The following MALRD1 variants were observed in gnomAD, a reference collection of about 807,000 sequenced individuals.
The protein encoded by MALRD1 is MAM and LDL-receptor class A domain-containing protein 1.
Under a neutral mutation model 242.1 loss-of-function variants are expected in MALRD1, and 247 were observed. The ratio of observed to expected loss-of-function variants is 1.02; its 90% CI spans 0.92 to 1.13. MALRD1 has a LOEUF of 1.13. MALRD1 is among the 50% of genes most tolerant of loss of function. The probability of loss-of-function intolerance (pLI) is 0.00; values close to 1 mark genes in which losing one functional copy is unlikely to be tolerated. For missense variants in MALRD1, 2,989 were observed against 2,533.1 expected (o/e 1.18, Z -3.86); for synonymous variants, 995 against 866.6 (o/e 1.15, Z -2.60).
intron 36 of MALRD1, among the ~76,000 whole-genome samples, chr10:19,666,395 T>G (rs1048158241): frequency 1.3e-5 from 2 of 152,198 alleles, no homozygotes; most frequent in African/African-American, 4.8e-5. Flanking sequence ...TATCACTGTT[T>G]CTGACTATAA....
chr10:19,714,766 G>A (rs916871049), intron 38 of MALRD1, among the ~76,000 whole-genome samples: 2 of 152,080 alleles, frequency 1.3e-5, no homozygotes, highest in African/African-American at 4.8e-5. Flanking sequence ...TGAGGCATGC[G>A]GATCGCATCT....
At chr10:19,254,378 T>G (rs1839418379) in intron 18 of MALRD1, among the ~76,000 whole-genome samples, 1 of 152,066 alleles carries the variant, frequency 6.6e-6, no homozygotes, top group Non-Finnish European at 1.5e-5. Context: ...TGGGTTGATT[T>G]GAGCTTTTGG....
At chr10:19,428,313 C>A (rs1012787827) in intron 28 of MALRD1, among the ~76,000 whole-genome samples, 1 of 151,608 alleles carries the variant, frequency 6.6e-6, no homozygotes, top group South Asian at 2.1e-4. Context: ...TTTTTCTTTT[C>A]TTAGACCTGA....
chr10:19,264,555 G>A (rs965209309), intron 19 of MALRD1, among the ~76,000 whole-genome samples: 2 of 150,836 alleles, frequency 1.3e-5, no homozygotes, highest in Non-Finnish European at 2.9e-5. Context: ...CCAGGTTCAC[G>A]CCATTCTCCA....
At chr10:19,730,570 T>TA in intron 38 of MALRD1, 136 bp from the exon 39 acceptor site, 1 of 904,060 alleles carries the variant, frequency 1.1e-6, no homozygotes, top group Admixed American at 2.0e-5. Flanking sequence ...ACTTTACTTA[T>TA]GGTAATACAT....
chr10:19,289,091 G>A (rs1471992634), intron 21 of MALRD1, among the ~76,000 whole-genome samples: 1 of 149,734 alleles, frequency 6.7e-6, no homozygotes, highest in African/African-American at 2.5e-5. Context: ...TTTTTTCCTT[G>A]GGCTGCTTCT....
Position 19,177,984 on chromosome 10 carries a change from C to T in MALRD1, c.1951+2656C>T, listed in dbSNP as rs117969016. 6.6e-3 allele frequency among the ~76,000 whole-genome samples: 1,008 copies of T among 152,180 alleles called. 7 individuals carry two copies. Among genetic ancestry groups the T allele is most frequent in the South Asian group, 0.024 (117 of 4,796 alleles). ...CAGGGAAGTTCAGAGTGACCTTGCT[C>T]CTGGGGTACCTCCCAATCTCCTTCA... On this transcript the variant is annotated intron_variant, in intron 14 of 39. Transcript: ENST00000454679.
chr10:19,329,508 T>A (rs1409774719), intron 23 of MALRD1, among the ~76,000 whole-genome samples: 2 of 152,168 alleles, frequency 1.3e-5, no homozygotes, highest in Non-Finnish European at 2.9e-5. Context: ...ATACTATTTA[T>A]GAATTTTTAA....
Position 19,595,459 on chromosome 10 carries a change from TGA to T in MALRD1, c.5944+4_5944+5del, listed in dbSNP as rs905806127. On this transcript the variant is annotated splice_donor_region_variant and intron_variant, in intron 34 of 39. Transcript: ENST00000454679. Reference sequence around the variant, plus strand: ...TTAATGAAGATGAGCTCATCTGCTGTGAGTTATTTTCACTAACTCAATGTGTA... The same window carrying T: ...TTAATGAAGATGAGCTCATCTGCTGTGTTATTTTCACTAACTCAATGTGTA... 1.9e-6 allele frequency: 3 copies of T among 1,546,444 alleles called. No individual in the cohort carries two copies. Among genetic ancestry groups the T allele is most frequent in the African/African-American group, 1.4e-5 (1 of 72,958 alleles).
intron 15 of MALRD1, 27 bp from the exon 16 acceptor site, chr10:19,204,280 CG>C (rs1836685459): frequency 3.3e-5 from 33 of 1,008,112 alleles, no homozygotes; most frequent in East Asian, 8.4e-5. Flanking sequence ...GTTAATGAAG[CG>C]TTTTTTTTTT....
rs368394538 is a variant in MALRD1 at position 19,719,223 on chromosome 10, C to CATATATATATATAT, written c.6315-11460_6315-11447dup. On this transcript the variant is annotated intron_variant, in intron 38 of 39. Coordinates refer to ENST00000454679, the MANE Select transcript of MALRD1 (RefSeq NM_001142308.3). ...ATATATATATATATACACATACATA[C>CATATATATATATAT]ATATATATATATATATATATATATA... is the stretch of plus-strand genomic sequence containing the variant. Among the ~76,000 whole-genome samples the CATATATATATATAT allele has an allele frequency of 3.5e-3, 268 of 76,286 alleles. 3 individuals carry two copies. Among genetic ancestry groups the CATATATATATATAT allele is most frequent in the African/African-American group, 4.4e-3 (76 of 17,110 alleles). The allele number at this position is 76,286 out of a possible 152,430, so 50.0% of individuals were successfully genotyped here.
At chr10:19,383,495 G>C (rs770081066) in intron 26 of MALRD1, among the ~76,000 whole-genome samples, 1 of 152,126 alleles carries the variant, frequency 6.6e-6, no homozygotes, top group South Asian at 2.1e-4. Flanking sequence ...ATTCTGGATA[G>C]TGCTGTGATG....
intron 20 of MALRD1, 51 bp from the exon 21 acceptor site, chr10:19,282,968 T>C (rs1840889250): frequency 5.1e-6 from 7 of 1,376,232 alleles, no homozygotes; most frequent in South Asian, 1.6e-5. Flanking sequence ...ATTGTACAGA[T>C]AGAAACTGCC....
chr10:19,385,430 A>C (rs1415236634), intron 26 of MALRD1, among the ~76,000 whole-genome samples: 1 of 151,864 alleles, frequency 6.6e-6, no homozygotes, highest in East Asian at 1.9e-4. Flanking sequence ...CTCATTATTG[A>C]TCTGTTCAGA....
intron 21 of MALRD1, among the ~76,000 whole-genome samples, chr10:19,317,156 G>T (rs1236173414): frequency 6.6e-6 from 1 of 151,630 alleles, no homozygotes; most frequent in Non-Finnish European, 1.5e-5. Flanking sequence ...AAACTGGGTT[G>T]CTTATAAACA....
At chr10:19,567,471 A>G (rs1836307016) in intron 32 of MALRD1, 31 bp from the exon 33 acceptor site, 2 of 1,534,804 alleles carry the variant, frequency 1.3e-6, no homozygotes, top group African/African-American at 1.4e-5. Context: ...ATATCCAATC[A>G]TAAAAAGTTA....
chr10:19,510,948 A>T (rs150429442), intron 31 of MALRD1, among the ~76,000 whole-genome samples: 1 of 152,082 alleles, frequency 6.6e-6, no homozygotes, highest in Non-Finnish European at 1.5e-5. Flanking sequence ...TACTGTAGAC[A>T]CTCCCCGCTG....
intron 28 of MALRD1, among the ~76,000 whole-genome samples, chr10:19,418,703 AG>A: frequency 6.6e-6 from 1 of 152,348 alleles, no homozygotes; most frequent in South Asian, 2.1e-4. Flanking sequence ...AAAGCCACAT[AG>A]AAGAGATATC....
At chr10:19,507,887 AATTC>A (rs749793994) in intron 31 of MALRD1, among the ~76,000 whole-genome samples, 22 of 152,202 alleles carry the variant, frequency 1.4e-4, no homozygotes, top group Non-Finnish European at 3.1e-4. Context: ...TTTCTTCAAT[AATTC>A]ATTCATCAGG....
Sources: allele counts gnomAD v4.1 joint callset (sites outside exome capture counted in the v4.1 genomes callset), GRCh38; gene constraint gnomAD v4.1.1; transcripts MANE v1.5; gene names NCBI Gene and HGNC (gene_info 2026-07-23, HGNC 2026-07-21).